The following ANKRD24 variants were observed in gnomAD, a reference collection of about 807,000 sequenced individuals.
The protein encoded by ANKRD24 is ankyrin repeat domain-containing protein 24.
Under a neutral mutation model 127.8 loss-of-function variants are expected in ANKRD24, and 109 were observed. The observed-to-expected ratio is 0.85, with a 90% CI of 0.73 to 1.00. The LOEUF (loss-of-function observed/expected upper bound fraction) is 1.00. Ranked by LOEUF, ANKRD24 falls within the 50% of genes least tolerant of loss-of-function variation. The pLI, the probability that ANKRD24 is intolerant of heterozygous loss-of-function variation, is 0.00. For missense variants in ANKRD24, 1,648 were observed against 1,570.2 expected (o/e 1.05, Z -0.84); for synonymous variants, 743 against 671.1 (o/e 1.11, Z -1.66).
chr19:4,182,965 T>TTGTGTGTGTG (rs57280997), intron 1 of ANKRD24, among the ~76,000 whole-genome samples: 14,845 of 138,504 alleles, frequency 0.11, 929 homozygotes, highest in Middle Eastern at 0.15. Context: ...AATATCTCAT[T>TTGTGTGTGTG]TGTGTGTGTG....
chr19:4,213,126 G>C (rs1211153533), intron 15 of ANKRD24, among the ~76,000 whole-genome samples: 1 of 152,146 alleles, frequency 6.6e-6, no homozygotes, highest in African/African-American at 2.4e-5. Context: ...GCGAGACTCA[G>C]TCTCAAACAA....
intron 15 of ANKRD24, among the ~76,000 whole-genome samples, chr19:4,214,240 C>G (rs1409517338): frequency 1.3e-5 from 2 of 151,710 alleles, no homozygotes; most frequent in Non-Finnish European, 2.9e-5. Flanking sequence ...GATCATGGCT[C>G]ACTGCAGCCT....
chr19:4,210,517 TC>T (rs1969662247), intron 13 of ANKRD24, 145 bp downstream of exon 13: 5 of 733,220 alleles, frequency 6.8e-6, no homozygotes. Context: ...TCCTCGCTGT[TC>T]CTCCAACTCG....
chr19:4,198,239 C>A lies in ANKRD24; in HGVS notation c.37-1444C>A. 1 of 503,172 alleles carries A rather than the reference C, an allele frequency of 2.0e-6. No homozygotes were observed. Among genetic ancestry groups the A allele is most frequent in the South Asian group, 2.8e-5 (1 of 35,812 alleles). 31.2% of individuals were successfully genotyped at this position (503,172 alleles called of 1,614,324 possible). A position where few individuals can be genotyped will look rare whatever the true frequency, so the allele number is the denominator to read the frequency against. On this transcript the variant is annotated intron_variant, in intron 2 of 21. Transcript: ENST00000318934. The surrounding 1 kb of genome is among the most constrained non-coding windows in gnomAD (Gnocchi z 6.1). ...GGTCAGGAGGGGCCGGGGCGGCGCCCCTTCCCTCAGCCCCCAGCCCCCAGC... is the reference window on the plus strand; with the variant it reads ...GGTCAGGAGGGGCCGGGGCGGCGCCACTTCCCTCAGCCCCCAGCCCCCAGC...
At chr19:4,221,661 A>G (rs1197633165) in intron 19 of ANKRD24, among the ~76,000 whole-genome samples, 1 of 152,216 alleles carries the variant, frequency 6.6e-6, no homozygotes. Flanking sequence ...GCGCTTCAGC[A>G]TAAAGAATGA....
Position 4,219,747 on chromosome 19 carries a change from A to G in ANKRD24, c.3160A>G (p.Lys1054Glu), listed in dbSNP as rs1432603910. Residue 1054 changes from lysine to glutamate, a missense_variant, in exon 19 of 22, where the codon AAG (lysine) becomes GAG (glutamate). Physicochemically the swap from Lys to Glu is moderately conservative, Grantham distance 56. Transcript: ENST00000318934. Reference sequence around the variant, plus strand: ...GGAGGCTCTGGACAAGGCCAAGGAGAAGGACAAGAAGGTGGGTGCCCCCTC... The same window carrying G: ...GGAGGCTCTGGACAAGGCCAAGGAGGAGGACAAGAAGGTGGGTGCCCCCTC... Reference protein sequence around the residue: ...AQEALDKAKEKDKKITELSKE... With the variant: ...AQEALDKAKEEDKKITELSKE... 1.9e-6 allele frequency: 3 copies of G among 1,603,290 alleles called. No homozygotes were observed. In the African/African-American group the frequency reaches 4.0e-5, roughly 21 times the overall value.
At chr19:4,220,493 G>C (rs1011897752) in intron 19 of ANKRD24, among the ~76,000 whole-genome samples, 1 of 152,188 alleles carries the variant, frequency 6.6e-6, no homozygotes, top group Non-Finnish European at 1.5e-5. Context: ...CAATACTAAT[G>C]ATGATAACAA....
At chr19:4,214,329 G>A (rs1235562195) in intron 15 of ANKRD24, among the ~76,000 whole-genome samples, 1 of 151,628 alleles carries the variant, frequency 6.6e-6, no homozygotes, top group East Asian at 1.9e-4. Context: ...CACCACACCT[G>A]GCTAATTTTT....
At chr19:4,210,403 CCAGCCTGGGTGGGGT>C (rs1969653030) in intron 13 of ANKRD24, 31 bp downstream of exon 13, 5 of 1,435,626 alleles carry the variant, frequency 3.5e-6, no homozygotes, top group Non-Finnish European at 4.6e-6. Context: ...TGGGCGTGGG[CCAGCCTGGGTGGGGT>C]CAATGCAGGC....
At chr19:4,191,278 C>T (rs528868774) in intron 2 of ANKRD24, among the ~76,000 whole-genome samples, 4 of 149,144 alleles carry the variant, frequency 2.7e-5, no homozygotes, top group African/African-American at 9.9e-5. Context: ...TCAGCAGCCC[C>T]GAGGGAAGAA....
At position 4,219,590 on chromosome 19, in the gene ANKRD24, G is replaced by A. The variant is rs1970332712; in HGVS notation, c.3004-1G>A. The A allele has an allele frequency of 4.4e-6, 7 of 1,606,210 alleles. No homozygotes were observed. The highest frequency in any genetic ancestry group is 6.0e-6 in the Non-Finnish European group (7 of 1,174,254). On this transcript the variant is annotated splice_acceptor_variant, in intron 18 of 21. Transcript: ENST00000318934. LOFTEE classifies it high-confidence loss of function. The stretch of plus-strand genomic sequence containing the variant: ...GAGTCATGCGTGGGCTTGGGCCACA[G>A]GTGCAGCGTGAGGCCCTGTTCATGA...
chr19:4,204,109 G>A (rs1326735714), intron 7 of ANKRD24, among the ~76,000 whole-genome samples: 2 of 151,750 alleles, frequency 1.3e-5, no homozygotes, highest in East Asian at 1.9e-4. Context: ...GACTACAGGC[G>A]CCTGCCACCA....
At chr19:4,189,402 T>A (rs1968257038) in intron 2 of ANKRD24, among the ~76,000 whole-genome samples, 1 of 151,720 alleles carries the variant, frequency 6.6e-6, no homozygotes, top group African/African-American at 2.4e-5. Flanking sequence ...AGGCACGCAC[T>A]ACCACGCCCA....
At position 4,218,151 on chromosome 19, in the gene ANKRD24, A is replaced by G; in HGVS notation, c.2991A>G (p.Ala997=). 1 of 1,512,430 alleles carries G rather than the reference A, an allele frequency of 6.6e-7. No individual in the cohort carries two copies. Among genetic ancestry groups the G allele is most frequent in the Non-Finnish European group, 8.8e-7 (1 of 1,130,198 alleles). The allele number at this position is 1,512,430 out of a possible 1,614,324, so 93.7% of individuals were successfully genotyped here. A position where few individuals can be genotyped will look rare whatever the true frequency, so the allele number is the denominator to read the frequency against. ...GACGGCGGCATGAGAAGACCAGCGC[A>G]GAGGTCTTCCAGGTGAGCAGGGCTG... ...ELGRRHEKTS[A]EVFQVQREAL... The change falls in exon 18 of 22, where the codon GCA becomes GCG. Residue 997 remains alanine (A), a synonymous_variant. Coordinates refer to ENST00000318934, the MANE Select transcript of ANKRD24 (RefSeq NM_001393985.1).
chr19:4,199,628 G>T lies in ANKRD24; in HGVS notation c.37-55G>T. The T allele has an allele frequency of 6.7e-7, 1 of 1,488,056 alleles. No individual in the cohort carries two copies. Among genetic ancestry groups the T allele is most frequent in the Non-Finnish European group, 8.9e-7 (1 of 1,125,308 alleles). 92.2% of individuals were successfully genotyped at this position (1,488,056 alleles called of 1,614,324 possible). The stretch of plus-strand genomic sequence containing the variant: ...CTGGGGGCAGATGCTGGGGGTCGCA[G>T]GCTTGGGGGACACTGTCTGAGGACC... On this transcript the variant is annotated intron_variant, in intron 2 of 21. Coordinates refer to ENST00000318934, the MANE Select transcript of ANKRD24 (RefSeq NM_001393985.1). This position sits in a 1 kb window ranked among gnomAD's most constrained non-coding sequence, Gnocchi z 5.2.
intron 7 of ANKRD24, 24 bp from the exon 8 acceptor site, chr19:4,207,218 C>G: frequency 6.2e-7 from 1 of 1,611,286 alleles, no homozygotes; most frequent in Non-Finnish European, 8.5e-7. Flanking sequence ...GCTACCGCAC[C>G]GGACAACCTT....
chr19:4,210,865 C>T lies in ANKRD24; in HGVS notation c.1059+493C>T, dbSNP rs138645671. Among the ~76,000 whole-genome samples the T allele has an allele frequency of 2.0e-3, 295 of 149,042 alleles. 1 individual carries two copies. The highest frequency in any genetic ancestry group is 6.8e-3 in the Middle Eastern group (2 of 292). On this transcript the variant is annotated intron_variant, in intron 13 of 21. Transcript: ENST00000318934. Reference sequence around the variant, plus strand: ...GTTTTGTTTTTGAGACGGAGTCTCGCTCTTGTTGCCCAGGCTAGAATGCAA... The same window carrying T: ...GTTTTGTTTTTGAGACGGAGTCTCGTTCTTGTTGCCCAGGCTAGAATGCAA...
At position 4,224,125 on chromosome 19, in the gene ANKRD24, A is replaced by G. The variant is rs1295207218; in HGVS notation, c.3298-2A>G. On this transcript the variant is annotated splice_acceptor_variant, in intron 20 of 21. Coordinates refer to ENST00000318934, the MANE Select transcript of ANKRD24 (RefSeq NM_001393985.1). LOFTEE classifies it high-confidence loss of function. ...CTGAGCGCCCCTTCCTCATGCCCAC[A>G]GGAAGCTGCCAGGGACCACTCCAGC... 4.3e-6 allele frequency: 7 copies of G among 1,612,336 alleles called. No homozygotes were observed. The highest frequency in any genetic ancestry group is 5.9e-6 in the Non-Finnish European group (7 of 1,179,590).
intron 1 of ANKRD24, among the ~76,000 whole-genome samples, chr19:4,185,356 G>A (rs1298185408): frequency 6.6e-6 from 1 of 152,074 alleles, no homozygotes; most frequent in Admixed American, 6.6e-5. Flanking sequence ...GAGGATGGAT[G>A]TCCAGGTGAG....
Sources: gnomAD v4.1 joint callset for allele counts (sites outside exome capture counted in the v4.1 genomes callset) on GRCh38, gnomAD v4.1.1 for gene constraint, Gnocchi (gnomAD v3.1) non-coding constraint, MANE v1.5 for transcripts, NCBI Gene and HGNC (gene_info 2026-07-23, HGNC 2026-07-21) for gene names.